KCNIP4: variants seen among roughly 807,000 people sequenced by gnomAD.
KCNIP4 encodes Kv channel-interacting protein 4.
A neutral mutation model predicts 34.0 loss-of-function variants in KCNIP4; 12 were observed. That is an observed-to-expected ratio of 0.35 (90% CI 0.23 to 0.57). The LOEUF (loss-of-function observed/expected upper bound fraction) is 0.57, where lower values mean the gene tolerates loss of function less well. Ranked by LOEUF, KCNIP4 falls within the 20% of genes least tolerant of loss-of-function variation. The pLI, the probability that KCNIP4 is intolerant of heterozygous loss-of-function variation, is 0.83. For synonymous variants in KCNIP4, 124 were observed against 102.2 expected (o/e 1.21, Z -1.29); for missense variants, 238 against 311.7 (o/e 0.76, Z 1.78).
intron 1 of KCNIP4, among the ~76,000 whole-genome samples, chr4:21,518,295 A>T (rs1734936114): frequency 6.6e-6 from 1 of 152,212 alleles, no homozygotes. Flanking sequence ...CTGGGGAGTT[A>T]GTTGCAGGAA....
chr4:21,559,645 A>T (rs1193181874), intron 1 of KCNIP4, among the ~76,000 whole-genome samples: 1 of 152,120 alleles, frequency 6.6e-6, no homozygotes, highest in Non-Finnish European at 1.5e-5. Flanking sequence ...GTGGTAACTT[A>T]TGGGGTCTTG....
At chr4:20,918,012 G>A (rs372184416) in intron 1 of KCNIP4, among the ~76,000 whole-genome samples, 146 of 152,160 alleles carry the variant, frequency 9.6e-4, no homozygotes, top group African/African-American at 3.4e-3. Flanking sequence ...TCCTTTCCAA[G>A]AAAAGTTTTG....
chr4:21,113,364 C>T (rs1749391785), intron 1 of KCNIP4, among the ~76,000 whole-genome samples: 1 of 149,408 alleles, frequency 6.7e-6, no homozygotes, highest in Non-Finnish European at 1.5e-5. Context: ...CAAAATGATT[C>T]CCCTCCTGTC....
intron 1 of KCNIP4, among the ~76,000 whole-genome samples, chr4:21,396,325 G>A (rs1722994252): frequency 6.6e-6 from 1 of 151,866 alleles, no homozygotes; most frequent in Non-Finnish European, 1.5e-5. Context: ...GGAGACCAAG[G>A]TGGGTGGATC....
chr4:21,028,952 C>A (rs1009075376), intron 1 of KCNIP4, among the ~76,000 whole-genome samples: 1 of 152,138 alleles, frequency 6.6e-6, no homozygotes, highest in Non-Finnish European at 1.5e-5. Context: ...CCATAGTAAC[C>A]AGGCCTGTGC....
Position 21,882,984 on chromosome 4 carries a change from G to GT in KCNIP4, c.61+65586dup, listed in dbSNP as rs535123158. Among the ~76,000 whole-genome samples, 5 of 151,968 alleles carry GT rather than the reference G, an allele frequency of 3.3e-5. No individual in the cohort carries two copies. In the South Asian group the frequency reaches 1.0e-3, roughly 32 times the overall value. On this transcript the variant is annotated intron_variant, in intron 1 of 8. Transcript: ENST00000382152. ...CTGAAATTCACTTAAATTCCATGTA[G>GT]TTATTTAGAATCTGGAAATAAAATT...
intron 3 of KCNIP4, among the ~76,000 whole-genome samples, chr4:20,809,690 G>C (rs183227845): frequency 6.6e-6 from 1 of 152,064 alleles, no homozygotes; most frequent in Non-Finnish European, 1.5e-5. Flanking sequence ...TCCTATTATA[G>C]GGGTATTTGA....
intron 1 of KCNIP4, among the ~76,000 whole-genome samples, chr4:21,193,623 G>T (rs927823839): frequency 7.1e-6 from 1 of 139,870 alleles, no homozygotes; most frequent in East Asian, 2.1e-4. Flanking sequence ...CCAGGCTGGA[G>T]TGCAGTGGCG....
chr4:21,696,124 A>G (rs924762727), intron 1 of KCNIP4, among the ~76,000 whole-genome samples: 4 of 152,170 alleles, frequency 2.6e-5, no homozygotes, highest in Non-Finnish European at 5.9e-5. Flanking sequence ...ACAGGAAATT[A>G]ACATTAGGAT....
At chr4:20,771,996 C>T (rs887395017) in intron 3 of KCNIP4, among the ~76,000 whole-genome samples, 5 of 152,086 alleles carry the variant, frequency 3.3e-5, no homozygotes, top group African/African-American at 1.2e-4. Flanking sequence ...AATGATCATT[C>T]GTGGTCTGCT....
At chr4:21,491,511 A>G (rs1366740509) in intron 1 of KCNIP4, among the ~76,000 whole-genome samples, 2 of 152,084 alleles carry the variant, frequency 1.3e-5, no homozygotes, top group East Asian at 1.9e-4. Flanking sequence ...AGTAGCTGGA[A>G]CTACAAGTGT....
At chr4:21,494,402 C>T (rs1732668590) in intron 1 of KCNIP4, among the ~76,000 whole-genome samples, 1 of 152,148 alleles carries the variant, frequency 6.6e-6, no homozygotes, top group South Asian at 2.1e-4. Context: ...TGCAAGACTG[C>T]ACCACCAATA....
At chr4:20,818,170 A>G (rs1247366651) in intron 3 of KCNIP4, among the ~76,000 whole-genome samples, 1 of 152,182 alleles carries the variant, frequency 6.6e-6, no homozygotes, top group Non-Finnish European at 1.5e-5. Context: ...AGAGATAGGA[A>G]ATTTGAGGTT....
intron 1 of KCNIP4, among the ~76,000 whole-genome samples, chr4:21,804,547 T>G (rs1721185026): frequency 6.6e-6 from 1 of 152,202 alleles, no homozygotes; most frequent in African/African-American, 2.4e-5. Flanking sequence ...AAAACCTGAA[T>G]GAATAAATTT....
At chr4:20,838,498 T>G (rs1719333859) in intron 3 of KCNIP4, among the ~76,000 whole-genome samples, 2 of 152,154 alleles carry the variant, frequency 1.3e-5, no homozygotes, top group Admixed American at 1.3e-4. Flanking sequence ...AAACTACATT[T>G]CCCATCTTCC....
At chr4:21,549,435 T>G (rs186907998) in intron 1 of KCNIP4, among the ~76,000 whole-genome samples, 150 of 151,964 alleles carry the variant, frequency 9.9e-4, no homozygotes, top group African/African-American at 3.4e-3. Context: ...TATTACTTAC[T>G]GTGACATCTG....
At position 21,139,063 on chromosome 4, in the gene KCNIP4, C is replaced by T. The variant is rs182823846; in HGVS notation, c.62-256354G>A. 2.7e-3 allele frequency among the ~76,000 whole-genome samples: 409 copies of T among 152,342 alleles called. 3 individuals are homozygous for T. The highest frequency in any genetic ancestry group is 2.1e-3 in the South Asian group (10 of 4,826). On this transcript the variant is annotated intron_variant, in intron 1 of 8. Coordinates refer to ENST00000382152, the MANE Select transcript of KCNIP4 (RefSeq NM_025221.6). ...TAGCCATAGGAAGCCAATACAATCACTCCACTCTAACACTAGGTATTTTTT... is the reference window on the plus strand; with the variant it reads ...TAGCCATAGGAAGCCAATACAATCATTCCACTCTAACACTAGGTATTTTTT...
intron 1 of KCNIP4, among the ~76,000 whole-genome samples, chr4:21,432,091 CATATATATATATAT>C (rs71655634): frequency 0.15 from 5,392 of 36,378 alleles, 409 homozygotes; most frequent in Middle Eastern, 0.47. Flanking sequence ...AAAATGGAAG[CATATATATATATAT>C]ATATATATAT....
At chr4:21,156,281 C>T (rs1414539639) in intron 1 of KCNIP4, among the ~76,000 whole-genome samples, 2 of 152,148 alleles carry the variant, frequency 1.3e-5, no homozygotes, top group African/African-American at 4.8e-5. Flanking sequence ...TGTATCCACA[C>T]CATTTTGGTG....
Sources: allele counts gnomAD v4.1 joint callset (sites outside exome capture counted in the v4.1 genomes callset), GRCh38; gene constraint gnomAD v4.1.1; transcripts MANE v1.5; gene names NCBI Gene and HGNC (gene_info 2026-07-23, HGNC 2026-07-21).